CNTLN: variants seen among roughly 807,000 people sequenced by gnomAD.
The protein encoded by CNTLN is centlein, centrosomal protein.
Under a neutral mutation model 180.0 loss-of-function variants are expected in CNTLN, and 212 were observed. That is an observed-to-expected ratio of 1.18 (90% CI 1.05 to 1.32). CNTLN has a LOEUF of 1.32. Ranked by LOEUF, CNTLN falls within the 40% of genes most tolerant of loss-of-function variation. The pLI is 0.00. For synonymous variants in CNTLN, 722 were observed against 563.1 expected, an observed-to-expected ratio of 1.28 and a Z score of -3.99; for missense variants, 2,095 against 1,610.9, an observed-to-expected ratio of 1.30 and a Z score of -5.14.
At chr9:17,501,868 G>C (rs1475340919) in intron 25 of CNTLN, among the ~76,000 whole-genome samples, 1 of 152,146 alleles carries the variant, frequency 6.6e-6, no homozygotes, top group East Asian at 1.9e-4. Context: ...ACCTATAACT[G>C]TATAACTGTA....
intron 18 of CNTLN, among the ~76,000 whole-genome samples, chr9:17,451,942 A>T (rs986243038): frequency 1.1e-4 from 17 of 152,292 alleles, no homozygotes; most frequent in Admixed American, 9.2e-4. Flanking sequence ...GGTCAGAATC[A>T]CTTTCATTTT....
intron 12 of CNTLN, among the ~76,000 whole-genome samples, chr9:17,355,098 A>G (rs1246173691): frequency 6.6e-6 from 1 of 152,066 alleles, no homozygotes; most frequent in Non-Finnish European, 1.5e-5. Context: ...GCGCCACTTT[A>G]AGAGCTGTAA....
intron 24 of CNTLN, 80 bp from the exon 25 acceptor site, chr9:17,486,909 C>T: frequency 1.5e-6 from 1 of 655,230 alleles, no homozygotes; most frequent in Admixed American, 3.2e-5. Context: ...GATATTACTC[C>T]AGATTTATTC....
intron 2 of CNTLN, among the ~76,000 whole-genome samples, chr9:17,182,376 C>A (rs1417630873): frequency 6.6e-6 from 1 of 152,048 alleles, no homozygotes; most frequent in Admixed American, 6.5e-5. Context: ...ACCCAGGGAA[C>A]TTATTGCTGT....
chr9:17,349,550 TA>T (rs1170598699), intron 12 of CNTLN, among the ~76,000 whole-genome samples: 2 of 152,166 alleles, frequency 1.3e-5, no homozygotes, highest in East Asian at 3.9e-4. Context: ...AAAATATAGT[TA>T]AAAATATAAT....
intron 6 of CNTLN, among the ~76,000 whole-genome samples, chr9:17,288,007 T>G (rs1291337121): frequency 7.2e-6 from 1 of 138,924 alleles, no homozygotes; most frequent in Non-Finnish European, 1.5e-5. Context: ...CTCTGTTTCC[T>G]TCAGTTCTGC....
the CNTLN span, among the ~76,000 whole-genome samples, chr9:17,512,610 T>A: frequency 6.8e-6 from 1 of 146,586 alleles, no homozygotes; most frequent in Non-Finnish European, 1.5e-5. Flanking sequence ...TACATCCATG[T>A]AACAAACTTG....
intron 2 of CNTLN, among the ~76,000 whole-genome samples, chr9:17,156,643 A>T (rs1481563075): frequency 6.6e-6 from 1 of 152,166 alleles, no homozygotes; most frequent in Non-Finnish European, 1.5e-5. Context: ...CATTTTTGAT[A>T]TTTTGGCAAA....
At chr9:17,268,516 G>A (rs535990021) in intron 5 of CNTLN, among the ~76,000 whole-genome samples, 12 of 152,288 alleles carry the variant, frequency 7.9e-5, no homozygotes, top group East Asian at 1.9e-4. Flanking sequence ...CAGTCTGCCC[G>A]TTCTCAGATC....
chr9:17,490,790 A>T (rs1833120709), intron 25 of CNTLN, among the ~76,000 whole-genome samples: 1 of 152,152 alleles, frequency 6.6e-6, no homozygotes, highest in Non-Finnish European at 1.5e-5. Flanking sequence ...AAAGAAAAAA[A>T]AGAATACATT....
chr9:17,513,598 G>A, the CNTLN span, among the ~76,000 whole-genome samples: 1 of 152,170 alleles, frequency 6.6e-6, no homozygotes, highest in African/African-American at 2.4e-5. Flanking sequence ...GCAGGAGGTT[G>A]AAGCGGGAGG....
At chr9:17,260,027 G>A (rs1210891723) in intron 5 of CNTLN, among the ~76,000 whole-genome samples, 1 of 143,198 alleles carries the variant, frequency 7.0e-6, no homozygotes, top group East Asian at 2.1e-4. Context: ...GCTTTTGAAT[G>A]TGTTTGGTCT....
rs893012403 is a variant in CNTLN at position 17,335,282 on chromosome 9, G to T, written c.1644+2552G>T. ...GCCTGTAATCCCAGCACTTTGGGAG[G>T]CCAAGCCGGGTGGATCACGAGTTCA... On this transcript the variant is annotated intron_variant, in intron 10 of 25. Transcript: ENST00000380647. Among the ~76,000 whole-genome samples the T allele has an allele frequency of 1.6e-4, 24 of 152,302 alleles. No homozygotes were observed. In the East Asian group the frequency reaches 4.6e-3, roughly 29 times the overall value.
At chr9:17,378,910 GC>G (rs1468647771) in intron 13 of CNTLN, among the ~76,000 whole-genome samples, 1 of 152,064 alleles carries the variant, frequency 6.6e-6, no homozygotes, top group African/African-American at 2.4e-5. Context: ...TCTTCTTTCT[GC>G]CTGAAGGACT....
At chr9:17,197,686 G>A (rs1387566653) in intron 2 of CNTLN, among the ~76,000 whole-genome samples, 2 of 152,172 alleles carry the variant, frequency 1.3e-5, no homozygotes, top group African/African-American at 4.8e-5. Context: ...TCTGTGGCGT[G>A]TCTGCTCACT....
downstream of CNTLN, among the ~76,000 whole-genome samples, chr9:17,507,731 T>A (rs963473872): frequency 6.6e-6 from 1 of 152,208 alleles, no homozygotes; most frequent in Admixed American, 6.5e-5. Context: ...AATTTTTAAA[T>A]ACACAGACAT....
At chr9:17,355,005 C>G (rs1319261761) in intron 12 of CNTLN, among the ~76,000 whole-genome samples, 1 of 151,716 alleles carries the variant, frequency 6.6e-6, no homozygotes, top group Non-Finnish European at 1.5e-5. Flanking sequence ...TGCAGCTTCA[C>G]TCCTGAGCCA....
intron 22 of CNTLN, 69 bp from the exon 23 acceptor site, chr9:17,466,637 A>G: frequency 8.2e-7 from 1 of 1,221,650 alleles, no homozygotes; most frequent in Non-Finnish European, 1.1e-6. Context: ...CTTATTTGAC[A>G]TGTATAACTA....
intron 21 of CNTLN, among the ~76,000 whole-genome samples, chr9:17,465,599 A>C (rs966861942): frequency 2.0e-4 from 30 of 150,994 alleles, no homozygotes; most frequent in African/African-American, 7.3e-4. Flanking sequence ...AAAGGTATGT[A>C]ATAGTTATTT....
Sources: gnomAD v4.1 joint callset for allele counts (sites outside exome capture counted in the v4.1 genomes callset) on GRCh38, gnomAD v4.1.1 for gene constraint, MANE v1.5 for transcripts, NCBI Gene and HGNC (gene_info 2026-07-23, HGNC 2026-07-21) for gene names.